The following LNP1 variants were observed in gnomAD, a reference collection of about 807,000 sequenced individuals.
LNP1 encodes the protein leukemia NUP98 fusion partner 1.
LNP1 carries 12 observed loss-of-function variants against 14.5 expected under a neutral mutation model. That is an observed-to-expected ratio of 0.83 (90% CI 0.53 to 1.34). LNP1 has a LOEUF of 1.34. Ranked by LOEUF, LNP1 falls within the 40% of genes most tolerant of loss-of-function variation. The probability of loss-of-function intolerance (pLI) is 0.00; values close to 1 mark genes in which losing one functional copy is unlikely to be tolerated. For missense variants in LNP1, 198 were observed against 210.9 expected (o/e 0.94, Z 0.38); for synonymous variants, 75 against 71.4 (o/e 1.05, Z -0.26).
chr3:100,404,203 G>A (rs2148897512), intron 1 of LNP1, among the ~76,000 whole-genome samples: 1 of 152,138 alleles, frequency 6.6e-6, no homozygotes, highest in African/African-American at 2.4e-5. Flanking sequence ...TTTTTTTGTG[G>A]GTGGGGGAGG....
At chr3:100,408,300 C>A (rs967274354) in intron 1 of LNP1, among the ~76,000 whole-genome samples, 1 of 152,182 alleles carries the variant, frequency 6.6e-6, no homozygotes, top group African/African-American at 2.4e-5. Flanking sequence ...AGCCTGTGAC[C>A]ACTGCAGCCC....
At chr3:100,454,139 G>A (rs1707487098) in intron 3 of LNP1, among the ~76,000 whole-genome samples, 1 of 151,702 alleles carries the variant, frequency 6.6e-6, no homozygotes, top group African/African-American at 2.4e-5. Context: ...CTTCCTTTTG[G>A]GTTCCAAGAT....
intron 2 of LNP1, among the ~76,000 whole-genome samples, chr3:100,435,041 A>C (rs1249061982): frequency 1.3e-5 from 2 of 152,134 alleles, no homozygotes; most frequent in Non-Finnish European, 2.9e-5. Flanking sequence ...CTGGGAGAGA[A>C]CACATACTAT....
chr3:100,409,557 TACACACACACACACAC>T (rs35651277), intron 1 of LNP1, among the ~76,000 whole-genome samples: 35 of 126,364 alleles, frequency 2.8e-4, no homozygotes, highest in African/African-American at 9.1e-4. Flanking sequence ...TATATATACA[TACACACACACACACAC>T]ACACACACAC....
At chr3:100,435,839 C>A (rs1707289582) in intron 2 of LNP1, among the ~76,000 whole-genome samples, 1 of 152,148 alleles carries the variant, frequency 6.6e-6, no homozygotes, top group Non-Finnish European at 1.5e-5. Flanking sequence ...GGGATGGAGA[C>A]TTAATATTTA....
At chr3:100,444,702 G>A (rs952484216) in intron 2 of LNP1, among the ~76,000 whole-genome samples, 4 of 151,986 alleles carry the variant, frequency 2.6e-5, no homozygotes, top group Admixed American at 6.6e-5. Context: ...TTTTTAAAAC[G>A]GTGAAATCTT....
At chr3:100,442,349 A>G (rs915183680) in intron 2 of LNP1, among the ~76,000 whole-genome samples, 1 of 152,212 alleles carries the variant, frequency 6.6e-6, no homozygotes, top group Non-Finnish European at 1.5e-5. Flanking sequence ...TATTTTGCCA[A>G]GGTTGAGGAT....
At chr3:100,444,165 A>G (rs1211636282) in intron 2 of LNP1, among the ~76,000 whole-genome samples, 1 of 152,152 alleles carries the variant, frequency 6.6e-6, no homozygotes, top group Non-Finnish European at 1.5e-5. Flanking sequence ...AACCTCATTC[A>G]AGAGCACCTG....
intron 1 of LNP1, among the ~76,000 whole-genome samples, chr3:100,410,089 GA>G (rs1482424887): frequency 2.0e-5 from 3 of 151,988 alleles, no homozygotes; most frequent in Non-Finnish European, 4.4e-5. Context: ...TAATGTAACA[GA>G]AAAATACCTA....
chr3:100,437,687 A>G (rs1707304789), intron 2 of LNP1, among the ~76,000 whole-genome samples: 1 of 152,196 alleles, frequency 6.6e-6, no homozygotes, highest in Non-Finnish European at 1.5e-5. Context: ...ATGTTATAAA[A>G]TACTCTTCAT....
At position 100,414,848 on chromosome 3, in the gene LNP1, C is replaced by T. The variant is rs990573682; in HGVS notation, c.-34+12409C>T. On this transcript the variant is annotated intron_variant, in intron 1 of 3. Transcript: ENST00000383693. ...ACCTTGATTTCAGTCTAATGAGACC[C>T]TTAATAGAGGACTCAGCTAACCTGT... Among the ~76,000 whole-genome samples, 38 of 152,250 alleles carry T rather than the reference C, an allele frequency of 2.5e-4. 2 individuals are homozygous for T. Among genetic ancestry groups the T allele is most frequent in the Admixed American group, 2.3e-3 (35 of 15,294 alleles).
chr3:100,412,020 G>A (rs929798882), intron 1 of LNP1, among the ~76,000 whole-genome samples: 4 of 152,184 alleles, frequency 2.6e-5, no homozygotes, highest in Admixed American at 1.3e-4. Context: ...AGCCATTTTT[G>A]TGTTGCTATA....
rs549068669 is a variant in LNP1 at position 100,404,279 on chromosome 3, G to A, written c.-34+1840G>A. On this transcript the variant is annotated intron_variant, in intron 1 of 3. Transcript: ENST00000383693. The stretch of plus-strand genomic sequence containing the variant: ...TCTCCTTGAAATGTTCTTTTCCTTG[G>A]CTTCAGGAGAATAGAGTCTTCTGGT... Among the ~76,000 whole-genome samples the A allele has an allele frequency of 2.0e-5, 3 of 152,192 alleles. No individual in the cohort carries two copies. The East Asian group carries it at 5.8e-4, about 29-fold the overall frequency.
chr3:100,406,895 T>C (rs917216271), intron 1 of LNP1, among the ~76,000 whole-genome samples: 3 of 152,218 alleles, frequency 2.0e-5, no homozygotes, highest in African/African-American at 7.2e-5. Flanking sequence ...TATTACAGGT[T>C]ATTTTAGACT....
intron 1 of LNP1, among the ~76,000 whole-genome samples, chr3:100,418,525 G>A (rs1707111201): frequency 6.6e-6 from 1 of 151,566 alleles, no homozygotes; most frequent in African/African-American, 2.4e-5. Context: ...GATATTTTCT[G>A]TCCCTCATTT....
chr3:100,429,912 G>A, intron 2 of LNP1, 27 bp downstream of exon 2: 3 of 1,602,284 alleles, frequency 1.9e-6, no homozygotes, highest in Non-Finnish European at 2.6e-6. Flanking sequence ...GAACCGGAGG[G>A]GAGAGCTGGA....
At chr3:100,448,842 A>T (rs1422135236) in intron 2 of LNP1, among the ~76,000 whole-genome samples, 2 of 152,210 alleles carry the variant, frequency 1.3e-5, no homozygotes, top group African/African-American at 4.8e-5. Context: ...TGAAGGAAGT[A>T]CATCTTATAG....
At chr3:100,454,601 A>C (rs1707491538) in intron 3 of LNP1, among the ~76,000 whole-genome samples, 1 of 152,204 alleles carries the variant, frequency 6.6e-6, no homozygotes, top group South Asian at 2.1e-4. Flanking sequence ...TGATATTTAA[A>C]AATTCAGTGG....
chr3:100,430,105 T>C (rs1373920116), intron 2 of LNP1, among the ~76,000 whole-genome samples: 1 of 152,228 alleles, frequency 6.6e-6, no homozygotes, highest in South Asian at 2.1e-4. Flanking sequence ...CATTTTTAGT[T>C]GTCTGAGATA....
Sources: gnomAD v4.1 joint callset for allele counts (sites outside exome capture counted in the v4.1 genomes callset) on GRCh38, gnomAD v4.1.1 for gene constraint, MANE v1.5 for transcripts, NCBI Gene and HGNC (gene_info 2026-07-23, HGNC 2026-07-21) for gene names.